UBN1: variants seen among roughly 807,000 people sequenced by gnomAD.
UBN1 encodes the protein ubinuclein-1.
A neutral mutation model predicts 108.5 loss-of-function variants in UBN1; 17 were observed. The observed-to-expected ratio is 0.16, with a 90% CI of 0.11 to 0.24. The LOEUF (loss-of-function observed/expected upper bound fraction) is 0.24. Ranked by LOEUF, UBN1 falls within the 10% of genes least tolerant of loss-of-function variation. The pLI, the probability that UBN1 is intolerant of heterozygous loss-of-function variation, is 1.00. For missense variants in UBN1, 1,595 were observed against 1,394.4 expected, an observed-to-expected ratio of 1.14 and a Z score of -2.29; for synonymous variants, 726 against 564.2, an observed-to-expected ratio of 1.29 and a Z score of -4.07.
chr16:4,856,581 C>T (rs2086820853), intron 2 of UBN1, among the ~76,000 whole-genome samples: 1 of 152,174 alleles, frequency 6.6e-6, no homozygotes, highest in Non-Finnish European at 1.5e-5. Flanking sequence ...CGACACAGGC[C>T]CTGGAGGTCT....
chr16:4,848,042 A>T lies in UBN1; in HGVS notation c.-208A>T, dbSNP rs1330423911. ...CCTGGGCCGGCGCGCGGCGCGGCAC[A>T]CCAGGCTCCCCTGGGCTCGGGGACC... On this transcript the variant is annotated 5_prime_UTR_variant, in exon 1 of 18. Coordinates refer to ENST00000262376, the MANE Select transcript of UBN1 (RefSeq NM_001079514.3). 1 of 152,138 alleles carries T rather than the reference A, an allele frequency of 6.6e-6. No homozygotes were observed. The highest frequency in any genetic ancestry group is 1.5e-5 in the Non-Finnish European group (1 of 68,130). The allele number at this position is 152,138 out of a possible 1,614,324, so 9.4% of individuals were successfully genotyped here.
At chr16:4,852,387 C>T (rs1452223633) in intron 1 of UBN1, 4 of 153,574 alleles carry the variant, frequency 2.6e-5, no homozygotes, top group Non-Finnish European at 4.3e-5. Flanking sequence ...CCTAGCCACA[C>T]CCTCCTGAGT....
Position 4,874,218 on chromosome 16 carries a change from C to A in UBN1, c.1808C>A (p.Ser603Tyr). 1 of 1,555,450 alleles carries A rather than the reference C, an allele frequency of 6.4e-7. No individual in the cohort carries two copies. ...APSKIKVKES[S>Y]TKPDKKVSVP... is the part of the protein sequence containing the mutation. ...ATTTCTGTTTTCCTTTAGGAATCGTCTACGAAGCCTGATAAAAAGGTTTCT... is the reference window on the plus strand; with the variant it reads ...ATTTCTGTTTTCCTTTAGGAATCGTATACGAAGCCTGATAAAAAGGTTTCT... Residue 603 changes from serine (S) to tyrosine (Y), a missense_variant, in exon 15 of 18, where the codon TCT becomes TAT. Ser to Tyr is a moderately radical substitution (Grantham distance 144). This residue lies in a region of UBN1 where 1,398 missense variants were observed against 1,194.7 expected (regional missense o/e 1.17). Transcript: ENST00000262376.
intron 17 of UBN1, among the ~76,000 whole-genome samples, chr16:4,879,549 C>T (rs1310381012): frequency 6.6e-6 from 1 of 152,236 alleles, no homozygotes; most frequent in Non-Finnish European, 1.5e-5. Flanking sequence ...GAGCTTCTCT[C>T]ACTTCCTTAG....
intron 8 of UBN1, among the ~76,000 whole-genome samples, chr16:4,869,275 G>A (rs992889599): frequency 4.6e-5 from 7 of 152,152 alleles, no homozygotes; most frequent in Non-Finnish European, 2.9e-5. Context: ...TGGTGGCCTC[G>A]GGCCTGCTCT....
chr16:4,868,504 G>T (rs963286667), intron 7 of UBN1, among the ~76,000 whole-genome samples: 6 of 152,196 alleles, frequency 3.9e-5, no homozygotes, highest in Admixed American at 3.9e-4. Flanking sequence ...AACTAATGGT[G>T]TAGTTGATGG....
intron 7 of UBN1, among the ~76,000 whole-genome samples, chr16:4,868,134 G>C (rs2087426986): frequency 6.6e-6 from 1 of 152,178 alleles, no homozygotes; most frequent in African/African-American, 2.4e-5. Context: ...CTTCCACAGG[G>C]TCTGCTTTTT....
At chr16:4,852,679 A>T in intron 1 of UBN1, 200 bp from the exon 2 acceptor site, 1 of 450,134 alleles carries the variant, frequency 2.2e-6, no homozygotes, top group Non-Finnish European at 3.9e-6. Flanking sequence ...AAAGACTGGA[A>T]GTATGCTAAG....
intron 12 of UBN1, chr16:4,872,175 CCT>C (rs35029242): frequency 0.079 from 78,073 of 983,230 alleles, 3,334 homozygotes; most frequent in Middle Eastern, 0.1. Flanking sequence ...AAATTGCTGT[CCT>C]CTCTACGTAG....
chr16:4,876,739 G>A lies in UBN1; in HGVS notation c.3025-132G>A, dbSNP rs2087904363. 6.3e-6 allele frequency: 9 copies of A among 1,422,064 alleles called. No individual in the cohort carries two copies. The South Asian group carries it at 1.0e-4, about 16-fold the overall frequency. 88.1% of individuals were successfully genotyped at this position (1,422,064 alleles called of 1,614,324 possible). Reference sequence around the variant, plus strand: ...CTGCAGGGTCGGAGGGTGCCTCCCAGGGCCATCTGACATGGATGTGTATGT... The same window carrying A: ...CTGCAGGGTCGGAGGGTGCCTCCCAAGGCCATCTGACATGGATGTGTATGT... On this transcript the variant is annotated intron_variant, in intron 15 of 17. Coordinates refer to ENST00000262376, the MANE Select transcript of UBN1 (RefSeq NM_001079514.3).
chr16:4,860,087 TCCTCCCGCACG>T, intron 6 of UBN1, 119 bp downstream of exon 6: 19 of 1,321,054 alleles, frequency 1.4e-5, no homozygotes, highest in Non-Finnish European at 1.7e-5. Context: ...GGCCTTCCTG[TCCTCCCGCACG>T]CCTCCCGCAG....
chr16:4,858,083 T>G lies in UBN1; in HGVS notation c.336+7T>G, dbSNP rs372038908. ...AAAATTTGAAGAAAAATACGTAAGA[T>G]TTCTCTCTTGAATAACAAAACAACC... On this transcript the variant is annotated splice_region_variant and intron_variant, in intron 3 of 17. Transcript: ENST00000262376. 2.7e-5 allele frequency: 43 copies of G among 1,599,496 alleles called. No individual in the cohort carries two copies. Among genetic ancestry groups the G allele is most frequent in the Non-Finnish European group, 6.0e-6 (7 of 1,168,232 alleles).
At chr16:4,870,682 T>G in intron 10 of UBN1, 48 bp downstream of exon 10, 1 of 1,607,968 alleles carries the variant, frequency 6.2e-7, no homozygotes, top group Admixed American at 1.7e-5. Context: ...GTCTTGCCTC[T>G]TCCCCTCCCG....
chr16:4,859,843 G>A (rs1363832287), intron 5 of UBN1, 22 bp from the exon 6 acceptor site: 4 of 1,613,552 alleles, frequency 2.5e-6, no homozygotes, highest in Admixed American at 3.3e-5. Context: ...CCGTGTAACT[G>A]TGCCTTGTCT....
intron 12 of UBN1, among the ~76,000 whole-genome samples, chr16:4,871,507 G>C (rs1320420039): frequency 6.6e-6 from 1 of 151,550 alleles, no homozygotes; most frequent in African/African-American, 2.4e-5. Context: ...TTGCCTCCAG[G>C]GTTTTGTTTT....
chr16:4,876,651 T>TA (rs1355797358), intron 15 of UBN1, among the ~76,000 whole-genome samples: 2 of 152,114 alleles, frequency 1.3e-5, no homozygotes, highest in Non-Finnish European at 2.9e-5. Flanking sequence ...TTAAAAAAAT[T>TA]ATGTTCCCTG....
rs113069960 is a variant in UBN1 at position 4,873,821 on chromosome 16, T to A, written c.1801-390T>A. On this transcript the variant is annotated intron_variant, in intron 14 of 17. Coordinates refer to ENST00000262376, the MANE Select transcript of UBN1 (RefSeq NM_001079514.3). The stretch of plus-strand genomic sequence containing the variant: ...ATCAAGAAGGGAAAAATAGCTGCTT[T>A]AAGGCAATTCTCATGCCATGCCTTG... Among the ~76,000 whole-genome samples the A allele has an allele frequency of 1.3e-3, 196 of 152,326 alleles. 2 individuals are homozygous for A. Among genetic ancestry groups the A allele is most frequent in the African/African-American group, 4.6e-3 (191 of 41,572 alleles).
chr16:4,878,262 G>C (rs994497808), intron 17 of UBN1, among the ~76,000 whole-genome samples: 1 of 152,138 alleles, frequency 6.6e-6, no homozygotes, highest in East Asian at 1.9e-4. Flanking sequence ...TGGTGTCTCA[G>C]CTTTGACCTA....
At chr16:4,875,460 C>T (rs2087834340) in intron 15 of UBN1, 26 bp downstream of exon 15, 1 of 1,583,086 alleles carries the variant, frequency 6.3e-7, no homozygotes, top group East Asian at 2.2e-5. Context: ...AGCAGCCTGC[C>T]CTGCCCCACT....
Sources: allele counts gnomAD v4.1 joint callset (sites outside exome capture counted in the v4.1 genomes callset), GRCh38; gene constraint gnomAD v4.1.1; regional missense constraint gnomAD v4.1.1; transcripts MANE v1.5; gene names NCBI Gene and HGNC (gene_info 2026-07-23, HGNC 2026-07-21).